The following PM20D1 variants were observed in gnomAD, a reference collection of about 807,000 sequenced individuals.
PM20D1 encodes the protein peptidase M20 domain containing 1.
A neutral mutation model predicts 53.8 loss-of-function variants in PM20D1; 53 were observed. The ratio of observed to expected loss-of-function variants is 0.98; its 90% CI spans 0.79 to 1.24. The LOEUF is 1.24. PM20D1 is among the 50% of genes most tolerant of loss of function. PM20D1 has a pLI of 0.00. For synonymous variants in PM20D1, 239 were observed against 241.3 expected, an observed-to-expected ratio of 0.99 and a Z score of 0.09; for missense variants, 564 against 616.8, an observed-to-expected ratio of 0.91 and a Z score of 0.91.
intron 7 of PM20D1, 46 bp from the exon 8 acceptor site, chr1:205,842,261 C>A: frequency 6.5e-7 from 1 of 1,549,664 alleles, no homozygotes; most frequent in Non-Finnish European, 8.9e-7. Context: ...TCTAGTTTAG[C>A]CTGGGTCTCT....
At position 205,828,555 on chromosome 1, in the gene PM20D1, G is replaced by T; in HGVS notation, c.*65C>A. 2 of 1,593,980 alleles carry T rather than the reference G, an allele frequency of 1.3e-6. No homozygotes were observed. Among genetic ancestry groups the T allele is most frequent in the Non-Finnish European group, 1.7e-6 (2 of 1,170,218 alleles). On this transcript the variant is annotated 3_prime_UTR_variant, in exon 13 of 13. Transcript: ENST00000367136. The stretch of plus-strand genomic sequence containing the variant: ...TTGATCAAAAGTTTCATCAACACTA[G>T]CTTTCCCCCTTGGGTTAGTCCTGTC...
chr1:205,842,735 T>C lies in PM20D1; in HGVS notation c.844A>G (p.Met282Val). The change falls in exon 7 of 13, where the codon ATG becomes GTG. Residue 282 changes from methionine to valine, a missense_variant. Met to Val is a conservative substitution (Grantham distance 21). Coordinates refer to ENST00000367136, the MANE Select transcript of PM20D1 (RefSeq NM_152491.5). ...AAVSRLEQTP[M>V]PIIFGSGTVV... ...GTCCCGCTTCCAAATATGATAGGCA[T>C]TGGTGTCTGCTCCAATCTGGAAGAG... 1 of 1,614,092 alleles carries C rather than the reference T, an allele frequency of 6.2e-7. No homozygotes were observed.
At chr1:205,846,689 C>T (rs181855078) in intron 2 of PM20D1, among the ~76,000 whole-genome samples, 6 of 152,152 alleles carry the variant, frequency 3.9e-5, no homozygotes, top group African/African-American at 1.2e-4. Context: ...AGCACAAGGT[C>T]GTACTTCTGC....
chr1:205,844,693 T>C, intron 4 of PM20D1, 118 bp downstream of exon 4: 1 of 855,532 alleles, frequency 1.2e-6, no homozygotes, highest in Admixed American at 2.6e-5. Flanking sequence ...ACGGAGAAGT[T>C]GGCAAACTAC....
chr1:205,844,279 C>A, intron 4 of PM20D1, 62 bp from the exon 5 acceptor site: 1 of 1,499,362 alleles, frequency 6.7e-7, no homozygotes, highest in Non-Finnish European at 8.9e-7. Context: ...CCAGACATAG[C>A]TAATGGGGAC....
intron 2 of PM20D1, among the ~76,000 whole-genome samples, 180 bp from the exon 3 acceptor site, chr1:205,845,737 C>T (rs1381640276): frequency 2.6e-5 from 4 of 152,164 alleles, no homozygotes; most frequent in East Asian, 1.9e-4. Context: ...CTTTGAAATT[C>T]GTCTTCCCCA....
rs75843095 is a variant in PM20D1 at position 205,848,189 on chromosome 1, T to C, written c.170-218A>G. On this transcript the variant is annotated intron_variant, in intron 1 of 12. Transcript: ENST00000367136. ...GTCTGAGCAACAGGCAGACTATAGATTTAAACCTATGTCTTCTGGGTTTGT... is the reference window on the plus strand; with the variant it reads ...GTCTGAGCAACAGGCAGACTATAGACTTAAACCTATGTCTTCTGGGTTTGT... 5.3e-3 allele frequency among the ~76,000 whole-genome samples: 804 copies of C among 152,330 alleles called. 6 individuals carry two copies. The highest frequency in any genetic ancestry group is 0.019 in the African/African-American group (778 of 41,572).
rs755376886 is a variant in PM20D1, at chr1:205,844,835, GAAGA to G, written c.548_551del (p.Phe183SerfsTer29). Reference sequence around the variant, plus strand: ...CCTCCTCATCATGGCCCAGAGAAATGAAGAAAGATCTTCGGGGGATGTACTTCCT... The same window carrying G: ...CCTCCTCATCATGGCCCAGAGAAATGAAGATCTTCGGGGGATGTACTTCCT... On this transcript the variant is annotated frameshift_variant, in exon 4 of 13. Coordinates refer to ENST00000367136, the MANE Select transcript of PM20D1 (RefSeq NM_152491.5). LOFTEE classifies it high-confidence loss of function. The G allele has an allele frequency of 6.2e-7, 1 of 1,613,924 alleles. No individual in the cohort carries two copies. Among genetic ancestry groups the G allele is most frequent in the African/African-American group, 1.3e-5 (1 of 74,926 alleles).
Position 205,830,321 on chromosome 1 carries a change from G to A in PM20D1, c.1344C>T (p.Tyr448=), listed in dbSNP as rs768366151. 5.0e-6 allele frequency: 8 copies of A among 1,612,970 alleles called. No homozygotes were observed. The highest frequency in any genetic ancestry group is 6.8e-6 in the Non-Finnish European group (8 of 1,179,072). The change falls in exon 12 of 13, where the codon TAC becomes TAT. Residue 448 remains tyrosine (Y), a synonymous_variant. Transcript: ENST00000367136. Reference sequence around the variant, plus strand: ...GCTGTATGTAGATGGGGTAGAACCTGTAGATGCCAGTGGTGAGGTTTGTAA... The same window carrying A: ...GCTGTATGTAGATGGGGTAGAACCTATAGATGCCAGTGGTGAGGTTTGTAA... ...RFFTNLTTGI[Y]RFYPIYIQPE... is the part of the protein sequence containing the mutation.
rs1321355115 is a variant in PM20D1 at position 205,841,817 on chromosome 1, C to T, written c.1038G>A (p.Gly346=). 1 of 1,566,922 alleles carries T rather than the reference C, an allele frequency of 6.4e-7. No individual in the cohort carries two copies. The highest frequency in any genetic ancestry group is 1.4e-5 in the African/African-American group (1 of 73,762). The stretch of plus-strand genomic sequence containing the variant: ...GAGGAACCAGGGATGTTACCTTGAC[C>T]CCTGCTTTGAATATGGTGAGTGCCG... The part of the protein sequence containing the change: ...TTTALTIFKA[G]VKFNVIPPVA... The change falls in exon 9 of 13, where the codon GGG becomes GGA. Residue 346 remains glycine, a synonymous_variant. Transcript: ENST00000367136.
chr1:205,840,188 G>A (rs570785492), intron 10 of PM20D1, 64 bp downstream of exon 10: 12 of 1,468,908 alleles, frequency 8.2e-6, no homozygotes, highest in African/African-American at 4.2e-5. Context: ...AGTTAAACCC[G>A]GGCCCTGAGG....
chr1:205,844,230 A>C lies in PM20D1; in HGVS notation c.577-13T>G, dbSNP rs1187180267. ...CTGTCCCTGATGACTGCAGACATGG[A>C]ACATAGAGCTATAGTCCTTCTCAGC... On this transcript the variant is annotated splice_polypyrimidine_tract_variant and intron_variant, in intron 4 of 12. Coordinates refer to ENST00000367136, the MANE Select transcript of PM20D1 (RefSeq NM_152491.5). The C allele has an allele frequency of 6.3e-7, 1 of 1,599,674 alleles. No individual in the cohort carries two copies. The highest frequency in any genetic ancestry group is 1.3e-5 in the African/African-American group (1 of 74,398).
chr1:205,843,585 T>G, intron 6 of PM20D1, 82 bp downstream of exon 6: 1 of 1,532,658 alleles, frequency 6.5e-7, no homozygotes, highest in Non-Finnish European at 8.8e-7. Flanking sequence ...GCAGGAAGCT[T>G]AGCCTCCTCA....
At chr1:205,830,494 C>T in intron 11 of PM20D1, 115 bp from the exon 12 acceptor site, 1 of 695,826 alleles carries the variant, frequency 1.4e-6, no homozygotes, top group East Asian at 2.6e-5. Flanking sequence ...CAGAGCAATG[C>T]CTGGGCTCTC....
intron 10 of PM20D1, among the ~76,000 whole-genome samples, chr1:205,839,015 A>C (rs1299739117): frequency 6.6e-6 from 1 of 152,318 alleles, no homozygotes; most frequent in Admixed American, 6.5e-5. Context: ...CTCCCTCTGC[A>C]ATGCTGCTAG....
At chr1:205,831,119 C>T (rs1656549301) in intron 11 of PM20D1, among the ~76,000 whole-genome samples, 1 of 152,194 alleles carries the variant, frequency 6.6e-6, no homozygotes, top group African/African-American at 2.4e-5. Flanking sequence ...GTTTCCCACT[C>T]TCCTGAAGGT....
chr1:205,842,132 A>G, intron 8 of PM20D1, 22 bp downstream of exon 8: 1 of 1,601,810 alleles, frequency 6.2e-7, no homozygotes, highest in Non-Finnish European at 8.6e-7. Context: ...GGGATGTGAA[A>G]AAAGGAAAGA....
At chr1:205,832,557 AG>A in intron 11 of PM20D1, 40 bp downstream of exon 11, 1 of 1,606,508 alleles carries the variant, frequency 6.2e-7, no homozygotes, top group Non-Finnish European at 8.5e-7. Flanking sequence ...AAACAGTTCC[AG>A]CCCCCTCCTC....
chr1:205,842,628 G>A (rs753786708), intron 7 of PM20D1, 48 bp downstream of exon 7: 40 of 1,580,224 alleles, frequency 2.5e-5, no homozygotes, highest in East Asian at 8.9e-5. Flanking sequence ...TTTTCTGTCC[G>A]TCTTTTGTTC....
Sources: gnomAD v4.1 joint callset for allele counts (sites outside exome capture counted in the v4.1 genomes callset) on GRCh38, gnomAD v4.1.1 for gene constraint, MANE v1.5 for transcripts, NCBI Gene and HGNC (gene_info 2026-07-23, HGNC 2026-07-21) for gene names.